The following ANK3 variants were observed in gnomAD, a reference collection of about 807,000 sequenced individuals.
ANK3 encodes the protein ankyrin 3, also known as ankyrin-3.
A neutral mutation model predicts 370.9 loss-of-function variants in ANK3; 57 were observed. The ratio of observed to expected loss-of-function variants is 0.15; its 90% CI spans 0.12 to 0.19. ANK3 has a LOEUF of 0.19. ANK3 is among the 10% of genes least tolerant of loss of function. ANK3 has a pLI of 1.00. For synonymous variants in ANK3, 1,929 were observed against 1,946.3 expected (o/e 0.99, Z 0.23); for missense variants, 4,439 against 5,302.1 (o/e 0.84, Z 5.06).
intron 23 of ANK3, chr10:60,145,981 C>T (rs1241798952): frequency 8.0e-6 from 8 of 994,034 alleles, no homozygotes; most frequent in Non-Finnish European, 1.1e-5. Context: ...TCACCGTAAA[C>T]TCTTGTACCT....
intron 36 of ANK3, among the ~76,000 whole-genome samples, chr10:60,076,774 T>C (rs986826834): frequency 6.6e-6 from 1 of 151,876 alleles, no homozygotes; most frequent in Non-Finnish European, 1.5e-5. Context: ...ATGAGAAAAA[T>C]AACCATAATG....
At chr10:60,176,188 A>ACAAAC (rs879337511) in intron 18 of ANK3, among the ~76,000 whole-genome samples, 6 of 121,528 alleles carry the variant, frequency 4.9e-5, no homozygotes, top group African/African-American at 1.9e-4. Context: ...ACAAAAAAAA[A>ACAAAC]AAAAAAACAA....
chr10:60,307,878 T>C (rs2045496829), intron 1 of ANK3, among the ~76,000 whole-genome samples: 1 of 152,256 alleles, frequency 6.6e-6, no homozygotes, highest in Non-Finnish European at 1.5e-5. Flanking sequence ...ACCTGGATTC[T>C]ATATAATTTG....
intron 25 of ANK3, among the ~76,000 whole-genome samples, chr10:60,121,116 G>A (rs1009491696): frequency 3.3e-5 from 5 of 152,040 alleles, no homozygotes; most frequent in South Asian, 4.2e-4. Flanking sequence ...GTATGTACAC[G>A]CAACGGAGTA....
chr10:60,524,273 C>T (rs1472527933), intron 2 of ANK3, among the ~76,000 whole-genome samples: 1 of 152,078 alleles, frequency 6.6e-6, no homozygotes, highest in African/African-American at 2.4e-5. Context: ...GTCTGAGAAA[C>T]ACTAGGTTAA....
Position 60,148,525 on chromosome 10 carries a change from GAA to G in ANK3, c.2615-9440_2615-9439del, listed in dbSNP as rs1420161438. Among the ~76,000 whole-genome samples, 6 of 152,154 alleles carry G rather than the reference GAA, an allele frequency of 3.9e-5. No individual in the cohort carries two copies. In the East Asian group the frequency reaches 9.7e-4, roughly 25 times the overall value. ...TTCAGGTTTTTCCTATGAAGAGGCA[GAA>G]AAAGACAATGTTGGGACAGACTCTA... On this transcript the variant is annotated intron_variant, in intron 23 of 43. Transcript: ENST00000280772.
intron 1 of ANK3, among the ~76,000 whole-genome samples, chr10:60,702,890 A>C (rs1168695108): frequency 6.6e-6 from 1 of 152,206 alleles, no homozygotes; most frequent in East Asian, 1.9e-4. Flanking sequence ...TCTTACAAAA[A>C]AGTATCCAAG....
intron 1 of ANK3, among the ~76,000 whole-genome samples, chr10:60,625,971 A>C (rs986500069): frequency 6.6e-6 from 1 of 152,236 alleles, no homozygotes; most frequent in African/African-American, 2.4e-5. Flanking sequence ...TTATATGAGC[A>C]CTTGTTCCAG....
intron 2 of ANK3, among the ~76,000 whole-genome samples, chr10:60,428,943 C>T (rs1366608247): frequency 6.6e-6 from 1 of 152,124 alleles, no homozygotes; most frequent in African/African-American, 2.4e-5. Context: ...CCTGTCAAAT[C>T]TTCAGGAATA....
chr10:60,504,868 A>G (rs2075892987), intron 2 of ANK3, among the ~76,000 whole-genome samples: 1 of 152,162 alleles, frequency 6.6e-6, no homozygotes, highest in Admixed American at 6.6e-5. Flanking sequence ...CAATGAGTGG[A>G]AACTGACTTG....
Position 60,068,967 on chromosome 10 carries a change from T to TAGTGGTGGTGGTGGTGGC in ANK3, c.11896_11913dup (p.Ala3966_Thr3971dup), listed in dbSNP as rs754855737. 6.9e-5 allele frequency: 111 copies of TAGTGGTGGTGGTGGTGGC among 1,613,506 alleles called. No individual in the cohort carries two copies. Among genetic ancestry groups the TAGTGGTGGTGGTGGTGGC allele is most frequent in the Non-Finnish European group, 8.2e-5 (97 of 1,179,878 alleles). On this transcript the variant is annotated inframe_insertion, in exon 37 of 44. Transcript: ENST00000280772. ...CAGCTGGTGGTGGTGGTAGTGGTGG[T>TAGTGGTGGTGGTGGTGGC]AGTGGTGGTGGTGGTGGCAGTGGTG... is the stretch of plus-strand genomic sequence containing the variant.
intron 1 of ANK3, among the ~76,000 whole-genome samples, chr10:60,641,766 C>A (rs1361222484): frequency 2.0e-5 from 3 of 152,072 alleles, no homozygotes; most frequent in South Asian, 2.1e-4. Flanking sequence ...GCAACAAAAG[C>A]CAAAATTGAC....
intron 7 of ANK3, among the ~76,000 whole-genome samples, chr10:60,261,504 T>G (rs952803232): frequency 2.0e-5 from 3 of 152,222 alleles, no homozygotes; most frequent in African/African-American, 7.2e-5. Flanking sequence ...GACCCTGATC[T>G]CTAGAGCACT....
intron 8 of ANK3, among the ~76,000 whole-genome samples, chr10:60,226,046 A>G (rs555689474): frequency 1.9e-3 from 268 of 142,796 alleles, no homozygotes; most frequent in African/African-American, 6.6e-3. Flanking sequence ...TATATAATAG[A>G]GAGTGTATAT....
At chr10:60,121,942 A>T (rs2093504226) in intron 25 of ANK3, among the ~76,000 whole-genome samples, 2 of 152,182 alleles carry the variant, frequency 1.3e-5, no homozygotes, top group African/African-American at 2.4e-5. Flanking sequence ...CAAAAATTTT[A>T]AAATAAAAAT....
At chr10:60,543,260 C>T (rs2076890404) in intron 2 of ANK3, among the ~76,000 whole-genome samples, 1 of 151,892 alleles carries the variant, frequency 6.6e-6, no homozygotes. Context: ...TTGGCAATAT[C>T]TATAAATTTA....
chr10:60,118,992 A>C (rs553579269), intron 25 of ANK3, among the ~76,000 whole-genome samples: 1 of 152,188 alleles, frequency 6.6e-6, no homozygotes. Context: ...CACTCATTGA[A>C]GCTTTGTTGT....
chr10:60,337,192 T>C (rs893763140), intron 1 of ANK3, among the ~76,000 whole-genome samples: 4 of 152,118 alleles, frequency 2.6e-5, no homozygotes, highest in African/African-American at 9.7e-5. Context: ...AACAATGAAC[T>C]TTAAAGTCCT....
intron 2 of ANK3, among the ~76,000 whole-genome samples, chr10:60,498,818 TA>T (rs2075724689): frequency 6.6e-6 from 1 of 152,250 alleles, no homozygotes; most frequent in Non-Finnish European, 1.5e-5. Context: ...TGTATGTCAT[TA>T]AACTACAAAA....
Sources: allele counts gnomAD v4.1 joint callset (sites outside exome capture counted in the v4.1 genomes callset), GRCh38; gene constraint gnomAD v4.1.1; transcripts MANE v1.5; gene names NCBI Gene and HGNC (gene_info 2026-07-23, HGNC 2026-07-21).